The following ADGRL3 variants were observed in gnomAD, a reference collection of about 807,000 sequenced individuals.
ADGRL3 encodes adhesion G protein-coupled receptor L3.
Under a neutral mutation model 153.5 loss-of-function variants are expected in ADGRL3, and 62 were observed. The ratio of observed to expected loss-of-function variants is 0.40; its 90% CI spans 0.33 to 0.50. The LOEUF (loss-of-function observed/expected upper bound fraction) is 0.50, where lower values mean the gene tolerates loss of function less well. Among genes scored for constraint, ADGRL3 ranks in the 20% least tolerant of loss-of-function variants. The pLI, the probability that ADGRL3 is intolerant of heterozygous loss-of-function variation, is 0.47. For synonymous variants in ADGRL3, 710 were observed against 672.5 expected (o/e 1.06, Z -0.86); for missense variants, 1,641 against 1,859.4 (o/e 0.88, Z 2.16).
intron 19 of ADGRL3, among the ~76,000 whole-genome samples, chr4:61,994,170 C>T (rs1200769620): frequency 6.6e-6 from 1 of 152,072 alleles, no homozygotes; most frequent in African/African-American, 2.4e-5. Flanking sequence ...TTGTTTGAGA[C>T]AAAGCCTCAC....
At chr4:61,937,173 C>T (rs143817326) in intron 15 of ADGRL3, among the ~76,000 whole-genome samples, 224 of 152,256 alleles carry the variant, frequency 1.5e-3, no homozygotes, top group Admixed American at 6.1e-3. Context: ...AGCCTGTTGA[C>T]AAAGGGTTCT....
intron 2 of ADGRL3, among the ~76,000 whole-genome samples, chr4:61,473,340 C>T (rs1262178939): frequency 6.6e-6 from 1 of 151,574 alleles, no homozygotes; most frequent in Admixed American, 6.6e-5. Context: ...CACTTTTGTA[C>T]CCTGGGTACT....
rs569313708 is a variant in ADGRL3 at position 61,253,015 on chromosome 4, A to G, written c.-240+51250A>G. On this transcript the variant is annotated intron_variant, in intron 1 of 26. Coordinates refer to ENST00000683033, the MANE Select transcript of ADGRL3 (RefSeq NM_001387552.1). ...TGCATGTATTTTTTTACTTATTTTC[A>G]GTCTAAGCCAGTTATATGAGTAGCT... Among the ~76,000 whole-genome samples the G allele has an allele frequency of 2.6e-5, 4 of 152,228 alleles. No individual in the cohort carries two copies. In the East Asian group the frequency reaches 7.7e-4, roughly 29 times the overall value.
intron 4 of ADGRL3, among the ~76,000 whole-genome samples, chr4:61,526,285 T>C (rs1438328468): frequency 2.6e-5 from 4 of 152,144 alleles, no homozygotes; most frequent in Non-Finnish European, 5.9e-5. Context: ...TGACCTTTCA[T>C]AAATCCCATA....
At chr4:61,260,339 T>G (rs2092404562) in intron 1 of ADGRL3, among the ~76,000 whole-genome samples, 1 of 152,224 alleles carries the variant, frequency 6.6e-6, no homozygotes, top group African/African-American at 2.4e-5. Context: ...TGTACATCTC[T>G]GTCTGTTCTT....
intron 21 of ADGRL3, among the ~76,000 whole-genome samples, chr4:62,027,496 G>C (rs1371454197): frequency 6.6e-6 from 1 of 151,972 alleles, no homozygotes; most frequent in Admixed American, 6.6e-5. Flanking sequence ...GACATGACTA[G>C]TGATCACCCC....
intron 2 of ADGRL3, among the ~76,000 whole-genome samples, chr4:61,449,141 T>C (rs1347861611): frequency 1.3e-5 from 2 of 151,982 alleles, no homozygotes; most frequent in Non-Finnish European, 2.9e-5. Context: ...ATTTAATTAA[T>C]TAATTTATTT....
chr4:61,713,830 C>T (rs907689159), intron 6 of ADGRL3, among the ~76,000 whole-genome samples: 6 of 152,050 alleles, frequency 3.9e-5, no homozygotes, highest in African/African-American at 1.2e-4. Context: ...GGGCTAACTT[C>T]GAATAAATGT....
At chr4:61,390,306 C>A (rs958789770) in intron 2 of ADGRL3, among the ~76,000 whole-genome samples, 9 of 152,038 alleles carry the variant, frequency 5.9e-5, no homozygotes, top group African/African-American at 1.7e-4. Context: ...CTTGACCAGA[C>A]CTTAGTTATC....
chr4:61,291,225 C>CACACCG (rs1487379528), intron 1 of ADGRL3, among the ~76,000 whole-genome samples: 2 of 151,090 alleles, frequency 1.3e-5, no homozygotes, highest in Admixed American at 1.3e-4. Flanking sequence ...CACGCACACA[C>CACACCG]ACACACCCCT....
chr4:61,591,686 G>C (rs1451630584), intron 5 of ADGRL3, among the ~76,000 whole-genome samples: 1 of 151,876 alleles, frequency 6.6e-6, no homozygotes, highest in Admixed American at 6.6e-5. Context: ...GTACAAAGTA[G>C]GAGTATTTTT....
chr4:61,540,291 G>A (rs530438971), intron 4 of ADGRL3, among the ~76,000 whole-genome samples: 1 of 152,286 alleles, frequency 6.6e-6, no homozygotes, highest in Admixed American at 6.5e-5. Context: ...GCTTATGCCT[G>A]TAATCCCAGC....
At chr4:61,555,505 T>C (rs533364026) in intron 4 of ADGRL3, among the ~76,000 whole-genome samples, 1 of 152,286 alleles carries the variant, frequency 6.6e-6, no homozygotes, top group South Asian at 2.1e-4. Context: ...CTCAGAGCTG[T>C]TCTAGATGCT....
chr4:61,678,992 A>G (rs1350677631), intron 6 of ADGRL3, among the ~76,000 whole-genome samples: 2 of 152,062 alleles, frequency 1.3e-5, no homozygotes, highest in African/African-American at 4.8e-5. Context: ...ATCAGAGAGC[A>G]TGGGTGCTTT....
chr4:61,823,661 C>G (rs1305555651), intron 9 of ADGRL3, among the ~76,000 whole-genome samples: 1 of 151,970 alleles, frequency 6.6e-6, no homozygotes, highest in African/African-American at 2.4e-5. Context: ...TAATACTAAG[C>G]CTTGGAGCCA....
chr4:61,329,134 A>G (rs1327250494), intron 1 of ADGRL3, among the ~76,000 whole-genome samples: 2 of 152,304 alleles, frequency 1.3e-5, no homozygotes, highest in African/African-American at 2.4e-5. Context: ...CTGAGCAGCT[A>G]GATGAAAGGA....
intron 7 of ADGRL3, among the ~76,000 whole-genome samples, chr4:61,731,556 C>T (rs549489596): frequency 1.2e-4 from 19 of 152,058 alleles, no homozygotes; most frequent in Admixed American, 2.0e-4. Flanking sequence ...GTAGGTTCAG[C>T]GGAATTCTAT....
At chr4:61,956,149 A>G (rs561163943) in intron 17 of ADGRL3, among the ~76,000 whole-genome samples, 1 of 152,274 alleles carries the variant, frequency 6.6e-6, no homozygotes, top group South Asian at 2.1e-4. Flanking sequence ...TTACATTCCC[A>G]CCAATAGTGT....
At chr4:61,377,341 C>T (rs922198142) in intron 1 of ADGRL3, among the ~76,000 whole-genome samples, 11 of 152,008 alleles carry the variant, frequency 7.2e-5, no homozygotes, top group African/African-American at 2.4e-4. Flanking sequence ...TGAAACTCAG[C>T]CTTCTATAAG....
Sources: gnomAD v4.1 joint callset for allele counts (sites outside exome capture counted in the v4.1 genomes callset) on GRCh38, gnomAD v4.1.1 for gene constraint, MANE v1.5 for transcripts, NCBI Gene and HGNC (gene_info 2026-07-23, HGNC 2026-07-21) for gene names.